Variants in COL5A2 observed in about 807,000 individuals in gnomAD.
The protein encoded by COL5A2 is collagen alpha-2(V) chain.
Under a neutral mutation model 208.2 loss-of-function variants are expected in COL5A2, and 23 were observed. That is an observed-to-expected ratio of 0.11 (90% CI 0.08 to 0.16). The LOEUF (loss-of-function observed/expected upper bound fraction) is 0.16, where lower values mean the gene tolerates loss of function less well. COL5A2 is among the 10% of genes least tolerant of loss of function. The pLI, the probability that COL5A2 is intolerant of heterozygous loss-of-function variation, is 1.00. For missense variants in COL5A2, 1,590 were observed against 1,956.4 expected, an observed-to-expected ratio of 0.81 and a Z score of 3.53; for synonymous variants, 625 against 628.5, an observed-to-expected ratio of 0.99 and a Z score of 0.08.
At chr2:189,326,618 A>G in the COL5A2 span, among the ~76,000 whole-genome samples, 1 of 152,040 alleles carries the variant, frequency 6.6e-6, no homozygotes. Flanking sequence ...ACTTGAGCCC[A>G]GACATTCAAT....
Position 189,210,388 on chromosome 2 carries a change from C to T in COL5A2, c.-42+14760G>A, listed in dbSNP as rs902073482. Among the ~76,000 whole-genome samples the T allele has an allele frequency of 5.4e-5, 8 of 149,414 alleles. No individual in the cohort carries two copies. In the East Asian group the frequency reaches 7.9e-4, roughly 15 times the overall value. On this transcript the variant is annotated intron_variant, in intron 1 of 10. Coordinates refer to the COL5A2 transcript ENST00000649966. ...AGCCGAGGAGAATGAGTCATATTTTCGTCTGTTTTCACTTGATTAAAATAT... is the reference window on the plus strand; with the variant it reads ...AGCCGAGGAGAATGAGTCATATTTTTGTCTGTTTTCACTTGATTAAAATAT...
At chr2:189,246,593 TAA>T in the COL5A2 span, among the ~76,000 whole-genome samples, 1 of 152,234 alleles carries the variant, frequency 6.6e-6, no homozygotes, top group Non-Finnish European at 1.5e-5. Flanking sequence ...ACCTTGACTA[TAA>T]GAGGCTGAGA....
intron 24 of COL5A2, 124 bp downstream of exon 24, chr2:189,064,880 T>C: frequency 3.1e-6 from 3 of 964,830 alleles, no homozygotes; most frequent in Middle Eastern, 2.1e-4. Context: ...TTAGGCCTGG[T>C]ATTTGTATCC....
chr2:189,131,211 T>G (rs1368910549), intron 1 of COL5A2, among the ~76,000 whole-genome samples: 1 of 152,142 alleles, frequency 6.6e-6, no homozygotes, highest in Admixed American at 6.5e-5. Flanking sequence ...AAATGTCATC[T>G]TTAAGTCCTG....
At chr2:189,076,638 G>A (rs958340844) in intron 16 of COL5A2, among the ~76,000 whole-genome samples, 1 of 152,126 alleles carries the variant, frequency 6.6e-6, no homozygotes, top group Non-Finnish European at 1.5e-5. Flanking sequence ...CTGAATATCA[G>A]GCCAAGCACA....
chr2:189,071,312 G>C (rs1686268807), intron 18 of COL5A2, among the ~76,000 whole-genome samples: 1 of 152,178 alleles, frequency 6.6e-6, no homozygotes, highest in Non-Finnish European at 1.5e-5. Context: ...GGGAAACATG[G>C]CATCAGGGGA....
At chr2:189,221,212 G>A (rs1381553159) in intron 1 of COL5A2, among the ~76,000 whole-genome samples, 1 of 152,162 alleles carries the variant, frequency 6.6e-6, no homozygotes, top group East Asian at 1.9e-4. Flanking sequence ...TAAACACTCT[G>A]AGTTAGAAAA....
At chr2:189,242,559 C>T in the COL5A2 span, among the ~76,000 whole-genome samples, 1 of 152,186 alleles carries the variant, frequency 6.6e-6, no homozygotes, top group Admixed American at 6.5e-5. Flanking sequence ...AAAACCCCAT[C>T]TGCCCAAACC....
At chr2:189,233,019 C>T in the COL5A2 span, among the ~76,000 whole-genome samples, 1 of 151,760 alleles carries the variant, frequency 6.6e-6, no homozygotes, top group Admixed American at 6.6e-5. Flanking sequence ...ATCACTGATA[C>T]ATGAATAAAA....
the COL5A2 span, among the ~76,000 whole-genome samples, chr2:189,296,043 A>G: frequency 1.3e-5 from 2 of 152,128 alleles, no homozygotes; most frequent in Non-Finnish European, 2.9e-5. Flanking sequence ...TAGAAAACAT[A>G]CATTTTCAGC....
chr2:189,127,732 G>T (rs1687634568), intron 1 of COL5A2, among the ~76,000 whole-genome samples: 1 of 151,984 alleles, frequency 6.6e-6, no homozygotes, highest in Non-Finnish European at 1.5e-5. Context: ...GAGGTTCCCA[G>T]ATTTCTCTTG....
At chr2:189,395,945 T>C in the COL5A2 span, among the ~76,000 whole-genome samples, 2 of 149,452 alleles carry the variant, frequency 1.3e-5, no homozygotes, top group African/African-American at 4.9e-5. Context: ...ATTGACTAAT[T>C]TTGCAATTTT....
chr2:189,337,451 G>A, the COL5A2 span, among the ~76,000 whole-genome samples: 13 of 151,800 alleles, frequency 8.6e-5, no homozygotes, highest in Non-Finnish European at 1.8e-4. Context: ...CAAAGTGCTG[G>A]GATTACAGGC....
chr2:189,342,157 G>A, the COL5A2 span, among the ~76,000 whole-genome samples: 2 of 148,100 alleles, frequency 1.4e-5, no homozygotes, highest in African/African-American at 2.5e-5. Flanking sequence ...GATCATTATA[G>A]GTAAGCAAAA....
At chr2:189,204,900 C>T (rs1689124407) in intron 1 of COL5A2, among the ~76,000 whole-genome samples, 2 of 152,128 alleles carry the variant, frequency 1.3e-5, no homozygotes, top group African/African-American at 2.4e-5. Flanking sequence ...TTGGGATCTC[C>T]TGGTAGATAT....
intron 2 of COL5A2, among the ~76,000 whole-genome samples, chr2:189,106,234 C>A (rs1269757192): frequency 6.6e-6 from 1 of 151,414 alleles, no homozygotes; most frequent in East Asian, 1.9e-4. Context: ...AATGTTTAGT[C>A]TTTCTAACCA....
At chr2:189,293,204 T>C in the COL5A2 span, among the ~76,000 whole-genome samples, 1 of 151,980 alleles carries the variant, frequency 6.6e-6, no homozygotes, top group Non-Finnish European at 1.5e-5. Flanking sequence ...TGTATACATA[T>C]GTAACTAACC....
intron 1 of COL5A2, among the ~76,000 whole-genome samples, chr2:189,123,489 T>C (rs1687549706): frequency 6.6e-6 from 1 of 152,098 alleles, no homozygotes; most frequent in South Asian, 2.1e-4. Flanking sequence ...ATATGACTGG[T>C]GTCCTTATAA....
intron 47 of COL5A2, among the ~76,000 whole-genome samples, chr2:189,043,851 T>C (rs1685610096): frequency 1.3e-5 from 2 of 152,218 alleles, no homozygotes; most frequent in Non-Finnish European, 2.9e-5. Context: ...ATCTGCAATA[T>C]CTGTAACCAA....
Sources: gnomAD v4.1 joint callset for allele counts (sites outside exome capture counted in the v4.1 genomes callset) on GRCh38, gnomAD v4.1.1 for gene constraint, MANE v1.5 for transcripts, NCBI Gene and HGNC (gene_info 2026-07-23, HGNC 2026-07-21) for gene names.